The following SLIT2 variants were observed in gnomAD, a reference collection of about 807,000 sequenced individuals.
SLIT2 encodes slit guidance ligand 2.
Under a neutral mutation model 185.7 loss-of-function variants are expected in SLIT2, and 41 were observed. That is an observed-to-expected ratio of 0.22 (90% confidence interval 0.17 to 0.29). The LOEUF (loss-of-function observed/expected upper bound fraction) is 0.29. Among genes scored for constraint, SLIT2 ranks in the 10% least tolerant of loss-of-function variants. The pLI, the probability that SLIT2 is intolerant of heterozygous loss-of-function variation, is 1.00. For missense variants in SLIT2, 1,571 were observed against 1,909.0 expected, an observed-to-expected ratio of 0.82 and a Z score of 3.30; for synonymous variants, 693 against 680.2, an observed-to-expected ratio of 1.02 and a Z score of -0.29.
chr4:20,525,055 G>A, intron 14 of SLIT2, 94 bp from the exon 15 acceptor site: 2 of 900,984 alleles, frequency 2.2e-6, no homozygotes, highest in Admixed American at 1.8e-5. Context: ...CTTAATTGCA[G>A]TAACTTTAGT....
chr4:20,340,900 C>T (rs1176032711), intron 4 of SLIT2, among the ~76,000 whole-genome samples: 9 of 152,050 alleles, frequency 5.9e-5, no homozygotes, highest in Non-Finnish European at 8.8e-5. Flanking sequence ...CGTGCCCGGC[C>T]AATAAATTTT....
chr4:20,578,433 G>A (rs1726248982), intron 29 of SLIT2, among the ~76,000 whole-genome samples: 1 of 152,016 alleles, frequency 6.6e-6, no homozygotes, highest in African/African-American at 2.4e-5. Context: ...TTTAACACTA[G>A]AATTCTGGTC....
At chr4:20,570,639 A>C (rs1725494307) in intron 29 of SLIT2, among the ~76,000 whole-genome samples, 1 of 150,196 alleles carries the variant, frequency 6.7e-6, no homozygotes, top group African/African-American at 2.4e-5. Flanking sequence ...AAACCAAGCC[A>C]CTGTCACTGC....
At chr4:20,553,050 G>T (rs574068375) in intron 25 of SLIT2, among the ~76,000 whole-genome samples, 2 of 152,256 alleles carry the variant, frequency 1.3e-5, no homozygotes, top group South Asian at 2.1e-4. Flanking sequence ...TACTTCTAAT[G>T]AACAACCGTA....
intron 4 of SLIT2, among the ~76,000 whole-genome samples, chr4:20,279,635 T>G (rs1318025518): frequency 1.3e-5 from 2 of 152,196 alleles, no homozygotes; most frequent in African/African-American, 4.8e-5. Flanking sequence ...CAGTTTTTCC[T>G]TGTGTAAAAT....
intron 4 of SLIT2, among the ~76,000 whole-genome samples, chr4:20,323,455 A>G (rs552698989): frequency 1.3e-5 from 2 of 152,342 alleles, no homozygotes; most frequent in South Asian, 2.1e-4. Context: ...AATTTATTGA[A>G]TGAATCATAT....
At chr4:20,525,097 G>A (rs1721168579) in intron 14 of SLIT2, 52 bp from the exon 15 acceptor site, 1 of 1,340,786 alleles carries the variant, frequency 7.5e-7, no homozygotes, top group Admixed American at 1.7e-5. Flanking sequence ...TCATATCTCT[G>A]CTTGCTGACA....
chr4:20,522,639 T>G (rs1000839385), intron 12 of SLIT2, among the ~76,000 whole-genome samples: 1 of 151,944 alleles, frequency 6.6e-6, no homozygotes, highest in Non-Finnish European at 1.5e-5. Context: ...TTTGCCAAAG[T>G]ATAATCCATA....
At chr4:20,467,348 A>G (rs1183312953) in intron 4 of SLIT2, among the ~76,000 whole-genome samples, 8 of 152,134 alleles carry the variant, frequency 5.3e-5, no homozygotes, top group Admixed American at 1.3e-4. Context: ...ATGCTTTCCT[A>G]TATACTTTAT....
chr4:20,465,484 A>G (rs758137074), intron 4 of SLIT2, among the ~76,000 whole-genome samples: 21 of 152,184 alleles, frequency 1.4e-4, no homozygotes, highest in Non-Finnish European at 2.2e-4. Flanking sequence ...GGGATCCACA[A>G]TTAATCCTTG....
chr4:20,255,069 G>T (rs939670458), intron 1 of SLIT2: 14 of 456,218 alleles, frequency 3.1e-5, no homozygotes, highest in African/African-American at 2.8e-4. Context: ...CAGTCCGGCC[G>T]CCCTAGGCAC....
chr4:20,477,358 C>G (rs1211186158), intron 5 of SLIT2, among the ~76,000 whole-genome samples: 1 of 152,068 alleles, frequency 6.6e-6, no homozygotes, highest in East Asian at 1.9e-4. Context: ...ACCGCCACGC[C>G]TGGCTAATTT....
At chr4:20,367,976 CAAAG>C (rs1258041329) in intron 4 of SLIT2, among the ~76,000 whole-genome samples, 1 of 151,868 alleles carries the variant, frequency 6.6e-6, no homozygotes, top group Non-Finnish European at 1.5e-5. Flanking sequence ...GATTAGTTTC[CAAAG>C]AAAGACAGAT....
chr4:20,536,327 G>A (rs747008944), intron 18 of SLIT2, among the ~76,000 whole-genome samples: 2 of 152,012 alleles, frequency 1.3e-5, no homozygotes, highest in Non-Finnish European at 2.9e-5. Context: ...AGGCCAAGGC[G>A]GGTGGATTAC....
intron 26 of SLIT2, among the ~76,000 whole-genome samples, chr4:20,554,768 T>G (rs557526142): frequency 2.6e-5 from 4 of 151,922 alleles, no homozygotes; most frequent in Non-Finnish European, 2.9e-5. Context: ...GTTTTGTTTT[T>G]TTTTTGTTTG....
chr4:20,422,076 G>A (rs1041467863), intron 4 of SLIT2, among the ~76,000 whole-genome samples: 3 of 151,942 alleles, frequency 2.0e-5, no homozygotes, highest in Admixed American at 6.6e-5. Flanking sequence ...GTTCTTCCTC[G>A]ATCCAAGTTC....
In SLIT2 at chr4:20,550,916, G is replaced by A. The variant is rs754351161; in HGVS notation, c.2561+18G>A. The A allele has an allele frequency of 6.8e-7, 1 of 1,474,840 alleles. No individual in the cohort carries two copies. Among genetic ancestry groups the A allele is most frequent in the Non-Finnish European group, 9.5e-7 (1 of 1,055,832 alleles). 91.4% of individuals were successfully genotyped at this position (1,474,840 alleles called of 1,614,324 possible). On this transcript the variant is annotated intron_variant, in intron 25 of 36. Transcript: ENST00000504154. ...TCACATCTGTGAGTACCTAGTTTAT[G>A]AATATAGGTTTAGGGTCAAACACTT...
chr4:20,395,977 A>G (rs1316965557), intron 4 of SLIT2, among the ~76,000 whole-genome samples: 1 of 152,012 alleles, frequency 6.6e-6, no homozygotes, highest in Non-Finnish European at 1.5e-5. Context: ...TAGTATTTTT[A>G]AAAGGTAGAT....
At chr4:20,342,111 T>G (rs1412715122) in intron 4 of SLIT2, among the ~76,000 whole-genome samples, 1 of 152,188 alleles carries the variant, frequency 6.6e-6, no homozygotes, top group Non-Finnish European at 1.5e-5. Context: ...TAGGACATAA[T>G]TTTTAGAAAG....
Sources: allele counts gnomAD v4.1 joint callset (sites outside exome capture counted in the v4.1 genomes callset), GRCh38; gene constraint gnomAD v4.1.1; transcripts MANE v1.5; gene names NCBI Gene and HGNC (gene_info 2026-07-23, HGNC 2026-07-21).